Variants in FRAS1 observed in about 807,000 individuals in gnomAD.
The protein encoded by FRAS1 is extracellular matrix organizing protein FRAS1.
In FRAS1, 290 loss-of-function variants were observed where a neutral mutation model predicts 435.2. That is an observed-to-expected ratio of 0.67 (90% CI 0.61 to 0.73). FRAS1 has a LOEUF of 0.73. Ranked by LOEUF, FRAS1 falls within the 30% of genes least tolerant of loss-of-function variation. The pLI is 0.00. For synonymous variants in FRAS1, 1,800 were observed against 1,851.0 expected (o/e 0.97, Z 0.71); for missense variants, 4,860 against 5,001.5 (o/e 0.97, Z 0.85).
At position 78,473,244 on chromosome 4, in the gene FRAS1, T is replaced by TC. The variant is rs202222092; in HGVS notation, c.7523-193dup. ...TGTACTTAAAGACAGATCTTTTTTT[T>TC]CACAGAGCTTCAGGATTTTATTTTA... On this transcript the variant is annotated intron_variant, in intron 52 of 73. Coordinates refer to ENST00000512123, the MANE Select transcript of FRAS1 (RefSeq NM_025074.7). Among the ~76,000 whole-genome samples, 902 of 152,304 alleles carry TC rather than the reference T, an allele frequency of 5.9e-3. 21 individuals are homozygous for TC. Among genetic ancestry groups the TC allele is most frequent in the Admixed American group, 0.036 (550 of 15,304 alleles).
chr4:78,190,739 T>C, intron 2 of FRAS1, among the ~76,000 whole-genome samples: 2 of 151,736 alleles, frequency 1.3e-5, no homozygotes, highest in Non-Finnish European at 2.9e-5. Flanking sequence ...AATGGTTGTT[T>C]GTTTTATTGT....
At chr4:78,118,778 A>G (rs1289152034) in intron 2 of FRAS1, among the ~76,000 whole-genome samples, 1 of 151,988 alleles carries the variant, frequency 6.6e-6, no homozygotes, top group African/African-American at 2.4e-5. Flanking sequence ...GGGTGAGGCA[A>G]TGCCTCACCC....
At chr4:78,258,730 A>T (rs1354543649) in intron 6 of FRAS1, among the ~76,000 whole-genome samples, 2 of 142,782 alleles carry the variant, frequency 1.4e-5, no homozygotes, top group South Asian at 4.5e-4. Flanking sequence ...TTATACTTTA[A>T]GTTTTAGGGT....
chr4:78,528,463 C>T (rs535105777), intron 70 of FRAS1, among the ~76,000 whole-genome samples: 1 of 152,254 alleles, frequency 6.6e-6, no homozygotes, highest in East Asian at 1.9e-4. Context: ...CTGTTTTCTG[C>T]CACTATGGAT....
intron 50 of FRAS1, among the ~76,000 whole-genome samples, chr4:78,469,614 T>G (rs754375144): frequency 2.1e-5 from 3 of 141,906 alleles, no homozygotes; most frequent in Non-Finnish European, 4.5e-5. Context: ...CACGGTTTAT[T>G]GAAAGGAAAA....
chr4:78,372,136 C>A (rs1029378766), intron 23 of FRAS1, among the ~76,000 whole-genome samples: 1 of 152,196 alleles, frequency 6.6e-6, no homozygotes, highest in African/African-American at 2.4e-5. Context: ...ATGAGACCTT[C>A]TATTGTTTTA....
intron 2 of FRAS1, among the ~76,000 whole-genome samples, chr4:78,205,157 C>T (rs1723203220): frequency 1.3e-5 from 2 of 151,728 alleles, no homozygotes. Context: ...GGTGGTTATC[C>T]CAACCAGTTG....
chr4:78,142,514 G>C (rs1162342327), intron 2 of FRAS1, among the ~76,000 whole-genome samples: 5 of 151,998 alleles, frequency 3.3e-5, no homozygotes, highest in Admixed American at 2.6e-4. Flanking sequence ...GATCCGTCAG[G>C]GTTGCAGATA....
intron 2 of FRAS1, among the ~76,000 whole-genome samples, chr4:78,174,180 A>C (rs1431671923): frequency 1.3e-5 from 2 of 152,106 alleles, no homozygotes; most frequent in Non-Finnish European, 2.9e-5. Flanking sequence ...CTGTAAATTA[A>C]ATTTTGCTGT....
At chr4:78,356,618 G>GT (rs1271259786) in intron 20 of FRAS1, among the ~76,000 whole-genome samples, 1 of 152,122 alleles carries the variant, frequency 6.6e-6, no homozygotes, top group African/African-American at 2.4e-5. Context: ...GCAGAGGGAT[G>GT]TTTTTGGCAG....
At position 78,540,547 on chromosome 4, in the gene FRAS1, A is replaced by C; in HGVS notation, c.11462A>C (p.Gln3821Pro). 6.7e-7 allele frequency: 1 copy of C among 1,500,470 alleles called. No individual in the cohort carries two copies. The highest frequency in any genetic ancestry group is 8.9e-7 in the Non-Finnish European group (1 of 1,124,620). 92.9% of individuals were successfully genotyped at this position (1,500,470 alleles called of 1,614,324 possible). Residue 3821 changes from glutamine (Q) to proline (P), a missense_variant, in exon 74 of 74, where the codon CAG (glutamine) becomes CCG (proline). Physicochemically the swap from Gln to Pro is moderately conservative, Grantham distance 76. Transcript: ENST00000512123. ...CCCCTGCAGGTGGAAGCAGGACACC[A>C]GTGGTATCTCCAGGTCATCTACATC... ...DALYKVEAGH[Q>P]WYLQVIYIIG...
chr4:78,164,116 C>T (rs181342699), intron 2 of FRAS1, among the ~76,000 whole-genome samples: 4 of 152,266 alleles, frequency 2.6e-5, no homozygotes, highest in Admixed American at 6.5e-5. Context: ...TCCCTGAAGA[C>T]AAGCATTAAG....
intron 2 of FRAS1, among the ~76,000 whole-genome samples, chr4:78,083,956 G>A (rs938336150): frequency 1.3e-5 from 2 of 151,858 alleles, no homozygotes; most frequent in African/African-American, 4.8e-5. Context: ...TTGGCCTAAG[G>A]CACAATTCAA....
intron 3 of FRAS1, among the ~76,000 whole-genome samples, chr4:78,241,513 A>G (rs1376829008): frequency 1.3e-5 from 2 of 152,188 alleles, no homozygotes; most frequent in Admixed American, 6.5e-5. Flanking sequence ...TAATCACCTT[A>G]GGAGGGAAAT....
chr4:78,370,806 C>T (rs1731473963), intron 23 of FRAS1, among the ~76,000 whole-genome samples: 1 of 152,192 alleles, frequency 6.6e-6, no homozygotes, highest in Admixed American at 6.5e-5. Context: ...GGCTTACACA[C>T]TTTGAATGGT....
At chr4:78,337,508 A>C (rs949023049) in intron 19 of FRAS1, among the ~76,000 whole-genome samples, 166 bp from the exon 20 acceptor site, 8 of 152,228 alleles carry the variant, frequency 5.3e-5, no homozygotes, top group African/African-American at 1.9e-4. Context: ...TCAGAAATGC[A>C]GTCTCTAGGT....
At chr4:78,540,359 T>C (rs758595388) in intron 73 of FRAS1, among the ~76,000 whole-genome samples, 172 bp from the exon 74 acceptor site, 2 of 152,202 alleles carry the variant, frequency 1.3e-5, no homozygotes, top group Non-Finnish European at 2.9e-5. Context: ...GGAAATAAAA[T>C]AGAACCCATA....
chr4:78,371,094 T>G (rs1019911811), intron 23 of FRAS1, among the ~76,000 whole-genome samples: 43 of 150,108 alleles, frequency 2.9e-4, no homozygotes, highest in Non-Finnish European at 5.0e-4. Flanking sequence ...TTTTTTTGTT[T>G]TTTTTTTTTT....
intron 36 of FRAS1, among the ~76,000 whole-genome samples, chr4:78,429,587 G>A (rs1393209383): frequency 6.6e-6 from 1 of 152,216 alleles, no homozygotes; most frequent in Non-Finnish European, 1.5e-5. Context: ...AGTAGCAGGA[G>A]AAATGTCAGG....
Sources: allele counts gnomAD v4.1 joint callset (sites outside exome capture counted in the v4.1 genomes callset), GRCh38; gene constraint gnomAD v4.1.1; transcripts MANE v1.5; gene names NCBI Gene and HGNC (gene_info 2026-07-23, HGNC 2026-07-21).